Variants in PLEKHA6 observed in about 807,000 individuals in gnomAD.
PLEKHA6 encodes the protein pleckstrin homology domain-containing family A member 6.
Under a neutral mutation model 116.7 loss-of-function variants are expected in PLEKHA6, and 60 were observed. The observed-to-expected ratio is 0.51, with a 90% confidence interval of 0.42 to 0.64. The LOEUF is 0.64. Ranked by LOEUF, PLEKHA6 falls within the 30% of genes least tolerant of loss-of-function variation. The pLI is 0.00. For missense variants in PLEKHA6, 1,338 were observed against 1,422.7 expected (o/e 0.94, Z 0.96); for synonymous variants, 489 against 556.1 (o/e 0.88, Z 1.70).
Position 204,229,107 on chromosome 1 carries a change from AG to A in PLEKHA6, c.2584-4del. ...TGGATGCTGCGGTGGCGGCGCACCT[AG>A]GGGACAGCAGCATCGTGATTGCACC... On this transcript the variant is annotated splice_region_variant and splice_polypyrimidine_tract_variant and intron_variant, in intron 18 of 22. Coordinates refer to ENST00000272203, the MANE Select transcript of PLEKHA6 (RefSeq NM_014935.5). 6.2e-7 allele frequency: 1 copy of A among 1,610,752 alleles called. No individual in the cohort carries two copies. The highest frequency in any genetic ancestry group is 8.5e-7 in the Non-Finnish European group (1 of 1,179,486).
At chr1:204,326,515 C>G (rs773085871) in intron 1 of PLEKHA6, among the ~76,000 whole-genome samples, 1 of 152,150 alleles carries the variant, frequency 6.6e-6, no homozygotes, top group African/African-American at 2.4e-5. Context: ...CCTCCCAAAC[C>G]CAAGTGAGCA....
chr1:204,336,093 C>G (rs780677594), intron 1 of PLEKHA6, among the ~76,000 whole-genome samples: 4 of 152,240 alleles, frequency 2.6e-5, no homozygotes, highest in Non-Finnish European at 5.9e-5. Flanking sequence ...AGACACAGGT[C>G]CCCAACCACA....
At chr1:204,323,823 T>C (rs1468720456) in intron 1 of PLEKHA6, among the ~76,000 whole-genome samples, 1 of 152,200 alleles carries the variant, frequency 6.6e-6, no homozygotes, top group Non-Finnish European at 1.5e-5. Flanking sequence ...CCTTTTGAGA[T>C]GGTTGTTGTT....
At chr1:204,341,979 G>T (rs1672862935) in intron 1 of PLEKHA6, among the ~76,000 whole-genome samples, 1 of 151,882 alleles carries the variant, frequency 6.6e-6, no homozygotes, top group African/African-American at 2.4e-5. Flanking sequence ...TTGATGTCAG[G>T]AATCAAGAGC....
intron 1 of PLEKHA6, chr1:204,313,837 C>T (rs1304894559): frequency 1.0e-5 from 3 of 285,992 alleles, no homozygotes; most frequent in Non-Finnish European, 1.6e-5. Context: ...AGCATCTCCC[C>T]GGGGATCCTC....
chr1:204,345,350 G>A (rs1214755537), intron 1 of PLEKHA6, among the ~76,000 whole-genome samples: 9 of 152,094 alleles, frequency 5.9e-5, no homozygotes, highest in African/African-American at 2.2e-4. Context: ...GGCCAGGACA[G>A]CTTGACCACA....
At chr1:204,265,790 G>A (rs1038829636) in intron 5 of PLEKHA6, among the ~76,000 whole-genome samples, 1 of 152,208 alleles carries the variant, frequency 6.6e-6, no homozygotes, top group Non-Finnish European at 1.5e-5. Context: ...ACAGGAAAAG[G>A]AGTGCTCCCT....
chr1:204,337,642 T>C (rs941073592), intron 1 of PLEKHA6, among the ~76,000 whole-genome samples: 14 of 152,188 alleles, frequency 9.2e-5, no homozygotes, highest in African/African-American at 3.4e-4. Context: ...TCAGCTGCTC[T>C]AGGAGAAGCC....
At chr1:204,318,728 A>C (rs946829486) in intron 1 of PLEKHA6, among the ~76,000 whole-genome samples, 2 of 152,240 alleles carry the variant, frequency 1.3e-5, no homozygotes, top group Admixed American at 1.3e-4. Context: ...CATAGCATAT[A>C]ATGCATTAAG....
At chr1:204,265,811 C>T (rs1558101885) in intron 5 of PLEKHA6, among the ~76,000 whole-genome samples, 1 of 152,198 alleles carries the variant, frequency 6.6e-6, no homozygotes, top group Non-Finnish European at 1.5e-5. Context: ...GCATGGAGTG[C>T]TCTGGCCCTC....
intron 6 of PLEKHA6, among the ~76,000 whole-genome samples, chr1:204,263,674 G>A (rs1456386988): frequency 1.3e-5 from 2 of 152,136 alleles, no homozygotes; most frequent in Non-Finnish European, 2.9e-5. Context: ...AGAGCTCCGA[G>A]CTGGAACGTG....
rs1318208860 is a variant in PLEKHA6, at chr1:204,261,685, T to C, written c.382-237A>G. ...CCTTGGCTGGCTCTCTGGGCACCAT[T>C]AGGCAGCCCAATAACCAGGTCAGCC... On this transcript the variant is annotated intron_variant, in intron 6 of 22. Transcript: ENST00000272203. The surrounding 1 kb of genome is among the most constrained non-coding windows in gnomAD (Gnocchi z 4.0). Among the ~76,000 whole-genome samples the C allele has an allele frequency of 6.6e-6, 1 of 152,190 alleles. No individual in the cohort carries two copies. The highest frequency in any genetic ancestry group is 2.4e-5 in the African/African-American group (1 of 41,448).
At chr1:204,297,283 C>A (rs1377441827) in intron 1 of PLEKHA6, 2 of 841,958 alleles carry the variant, frequency 2.4e-6, no homozygotes, top group East Asian at 2.4e-4. Flanking sequence ...GTAAATTTCT[C>A]TTGTTGGAAA....
chr1:204,233,181 C>T lies in PLEKHA6; in HGVS notation c.2410-2595G>A, dbSNP rs894626943. ...ATTTATTCTTTCTTTCTTTTTTTTT[C>T]TTTTTCTTTTTTTTTTTTTGTCTAG... is the stretch of plus-strand genomic sequence containing the variant. On this transcript the variant is annotated intron_variant, in intron 17 of 22. Transcript: ENST00000272203. Among the ~76,000 whole-genome samples, 43 of 120,648 alleles carry T rather than the reference C, an allele frequency of 3.6e-4. 1 individual carries two copies. Among genetic ancestry groups the T allele is most frequent in the Admixed American group, 8.8e-5 (1 of 11,396 alleles). 79.1% of individuals were successfully genotyped at this position (120,648 alleles called of 152,430 possible).
At chr1:204,327,045 G>A in intron 1 of PLEKHA6, 11 of 981,628 alleles carry the variant, frequency 1.1e-5, no homozygotes, top group Non-Finnish European at 1.3e-5. Flanking sequence ...CCTCTCCCCA[G>A]TCTCTCTCCA....
At chr1:204,268,429 C>T in intron 3 of PLEKHA6, 117 bp from the exon 4 acceptor site, 1 of 512,936 alleles carries the variant, frequency 1.9e-6, no homozygotes, top group Non-Finnish European at 3.3e-6. Flanking sequence ...GGGGTGCCCT[C>T]ACACCAAGGG....
At chr1:204,225,679 T>C (rs1439656280) in intron 21 of PLEKHA6, among the ~76,000 whole-genome samples, 1 of 152,214 alleles carries the variant, frequency 6.6e-6, no homozygotes, top group East Asian at 1.9e-4. Context: ...TACATGTACA[T>C]TTATGCTCCA....
chr1:204,323,959 G>A (rs529692628), intron 1 of PLEKHA6, among the ~76,000 whole-genome samples: 1 of 152,292 alleles, frequency 6.6e-6, no homozygotes, highest in Non-Finnish European at 1.5e-5. Context: ...CTTCAAGTTA[G>A]CCCAGTACAG....
chr1:204,369,999 C>T (rs1235109915), intron 2 of PLEKHA6, among the ~76,000 whole-genome samples: 1 of 152,200 alleles, frequency 6.6e-6, no homozygotes, highest in African/African-American at 2.4e-5. Context: ...TAATCCTCTC[C>T]CCATTATAAA....
Sources: gnomAD v4.1 joint callset for allele counts (sites outside exome capture counted in the v4.1 genomes callset) on GRCh38, gnomAD v4.1.1 for gene constraint, Gnocchi (gnomAD v3.1) non-coding constraint, MANE v1.5 for transcripts, NCBI Gene and HGNC (gene_info 2026-07-23, HGNC 2026-07-21) for gene names.